EXOC6B: variants seen among roughly 807,000 people sequenced by gnomAD.
EXOC6B encodes exocyst complex component 6B.
EXOC6B carries 54 observed loss-of-function variants against 113.5 expected under a neutral mutation model. The observed-to-expected ratio is 0.48, with a 90% confidence interval of 0.38 to 0.60. The LOEUF is 0.60. Among genes scored for constraint, EXOC6B ranks in the 20% least tolerant of loss-of-function variants. EXOC6B has a pLI of 0.00. For synonymous variants in EXOC6B, 357 were observed against 339.0 expected (o/e 1.05, Z -0.58); for missense variants, 797 against 977.5 (o/e 0.82, Z 2.46).
intron 18 of EXOC6B, among the ~76,000 whole-genome samples, chr2:72,429,337 A>T (rs1008542539): frequency 1.3e-5 from 2 of 152,238 alleles, no homozygotes; most frequent in African/African-American, 4.8e-5. Flanking sequence ...TAAGTTGAAG[A>T]TTATTTCAGG....
At chr2:72,756,664 CACTA>C (rs1357375269) in intron 1 of EXOC6B, among the ~76,000 whole-genome samples, 2 of 152,118 alleles carry the variant, frequency 1.3e-5, no homozygotes, top group Non-Finnish European at 2.9e-5. Context: ...ATTTTATATT[CACTA>C]ACTCACTTAT....
At position 72,653,348 on chromosome 2, in the gene EXOC6B, T is replaced by G. The variant is rs373049313; in HGVS notation, c.669+64755A>C. On this transcript the variant is annotated intron_variant, in intron 6 of 21. Transcript: ENST00000272427. ...GCATATTCTCACTCATAGGTGGGAATTGAACAATGAGAACACATGGACACA... is the reference window on the plus strand; with the variant it reads ...GCATATTCTCACTCATAGGTGGGAAGTGAACAATGAGAACACATGGACACA... 8.7e-4 allele frequency among the ~76,000 whole-genome samples: 114 copies of G among 131,196 alleles called. 1 individual carries two copies. In the East Asian group the frequency reaches 0.016, roughly 18 times the overall value. The allele number at this position is 131,196 out of a possible 152,430, so 86.1% of individuals were successfully genotyped here.
intron 9 of EXOC6B, 96 bp downstream of exon 9, chr2:72,514,947 A>G (rs1701137752): frequency 9.5e-7 from 1 of 1,049,190 alleles, no homozygotes; most frequent in Admixed American, 2.9e-5. Context: ...GTAAACACAC[A>G]CACACAGACA....
In EXOC6B at chr2:72,646,834, A is replaced by G. The variant is rs188456478; in HGVS notation, c.670-71166T>C. 4.1e-3 allele frequency among the ~76,000 whole-genome samples: 627 copies of G among 152,318 alleles called. 4 individuals carry two copies. Among genetic ancestry groups the G allele is most frequent in the African/African-American group, 0.014 (578 of 41,560 alleles). ...TAAGAGCTATTTATGACAAACCCAC[A>G]GCCAATATCATACTGAATGGGCAAA... On this transcript the variant is annotated intron_variant, in intron 6 of 21. Transcript: ENST00000272427.
At chr2:72,467,540 A>G (rs1175223970) in intron 17 of EXOC6B, among the ~76,000 whole-genome samples, 1 of 152,184 alleles carries the variant, frequency 6.6e-6, no homozygotes, top group East Asian at 1.9e-4. Context: ...GGAAAGTCAT[A>G]TATCATTGTG....
chr2:72,606,146 A>T lies in EXOC6B; in HGVS notation c.670-30478T>A, dbSNP rs148347324. On this transcript the variant is annotated intron_variant, in intron 6 of 21. Coordinates refer to ENST00000272427, the MANE Select transcript of EXOC6B (RefSeq NM_015189.3). ...CATAATTTATTTTCTACATAGGCCA[A>T]TAGGAATTAGTCTCATTTCTAATCT... 1.8e-4 allele frequency among the ~76,000 whole-genome samples: 27 copies of T among 152,306 alleles called. No individual in the cohort carries two copies. In the South Asian group the frequency reaches 5.4e-3, roughly 30 times the overall value.
intron 1 of EXOC6B, among the ~76,000 whole-genome samples, chr2:72,794,817 G>C (rs1400881334): frequency 6.6e-6 from 1 of 152,118 alleles, no homozygotes; most frequent in Non-Finnish European, 1.5e-5. Context: ...AATTCTAACA[G>C]GAAATGAGTC....
intron 1 of EXOC6B, among the ~76,000 whole-genome samples, chr2:72,793,798 G>C (rs1360078645): frequency 1.3e-5 from 2 of 152,192 alleles, no homozygotes; most frequent in East Asian, 3.9e-4. Flanking sequence ...AAGAGGTATA[G>C]ACTTGAAATA....
chr2:72,410,890 A>C (rs1694136187), intron 18 of EXOC6B, among the ~76,000 whole-genome samples: 5 of 152,196 alleles, frequency 3.3e-5, no homozygotes, highest in Admixed American at 3.3e-4. Context: ...GCTCTGGTAC[A>C]TGGCCGACTG....
At chr2:72,658,286 TAAAAAAAAAA>T (rs60572283) in intron 6 of EXOC6B, among the ~76,000 whole-genome samples, 1 of 58,726 alleles carries the variant, frequency 1.7e-5, no homozygotes, top group Non-Finnish European at 3.1e-5. Flanking sequence ...TAAAAACTAG[TAAAAAAAAAA>T]AAAAAAAAAA....
intron 20 of EXOC6B, among the ~76,000 whole-genome samples, chr2:72,218,183 T>C (rs991247532): frequency 3.3e-5 from 5 of 152,212 alleles, no homozygotes; most frequent in Non-Finnish European, 5.9e-5. Context: ...CTATACCTCA[T>C]AAACGCATTT....
At chr2:72,464,974 A>G (rs1697948134) in intron 18 of EXOC6B, 186 bp downstream of exon 18, 1 of 592,596 alleles carries the variant, frequency 1.7e-6, no homozygotes. Context: ...AAAAAAATGC[A>G]AAGGTCAATG....
At chr2:72,352,299 AG>A (rs554978839) in intron 19 of EXOC6B, among the ~76,000 whole-genome samples, 101 of 152,298 alleles carry the variant, frequency 6.6e-4, no homozygotes, top group African/African-American at 2.3e-3. Context: ...ATAGAGTAGA[AG>A]GAAAATAGAG....
intron 11 of EXOC6B, among the ~76,000 whole-genome samples, chr2:72,511,664 A>G (rs1055954642): frequency 6.6e-6 from 1 of 152,048 alleles, no homozygotes. Flanking sequence ...ACACATCTAT[A>G]CGTAACACAT....
At chr2:72,395,887 G>A (rs147791606) in intron 18 of EXOC6B, among the ~76,000 whole-genome samples, 39 of 152,134 alleles carry the variant, frequency 2.6e-4, no homozygotes, top group African/African-American at 8.7e-4. Flanking sequence ...GGGGCTCAAT[G>A]AATAATAGAT....
Position 72,488,575 on chromosome 2 carries a change from T to C in EXOC6B, c.1665+3743A>G, listed in dbSNP as rs189740037. Among the ~76,000 whole-genome samples the C allele has an allele frequency of 3.3e-5, 5 of 152,318 alleles. No homozygotes were observed. The East Asian group carries it at 7.7e-4, about 24-fold the overall frequency. The stretch of plus-strand genomic sequence containing the variant: ...ATTTAGCTCTGCCTAAAATTTTTCC[T>C]ATCTTAGTTCATGGTATATACAGCC... On this transcript the variant is annotated intron_variant, in intron 16 of 21. Coordinates refer to ENST00000272427, the MANE Select transcript of EXOC6B (RefSeq NM_015189.3).
intron 20 of EXOC6B, among the ~76,000 whole-genome samples, chr2:72,334,700 C>T (rs1688588303): frequency 6.6e-6 from 1 of 151,932 alleles, no homozygotes; most frequent in South Asian, 2.1e-4. Flanking sequence ...TCACTTGAGT[C>T]CCTCTACTCT....
intron 1 of EXOC6B, among the ~76,000 whole-genome samples, chr2:72,796,688 A>T (rs752286933): frequency 1.5e-4 from 21 of 144,092 alleles, no homozygotes; most frequent in South Asian, 4.3e-4. Context: ...ATCCTAATTT[A>T]AAAAAAAAAA....
intron 6 of EXOC6B, among the ~76,000 whole-genome samples, chr2:72,689,403 G>GTC (rs1366900120): frequency 6.6e-6 from 1 of 152,032 alleles, no homozygotes; most frequent in Non-Finnish European, 1.5e-5. Context: ...TTCTATAGGA[G>GTC]TCTCTCTCTC....
Sources: allele counts gnomAD v4.1 joint callset (sites outside exome capture counted in the v4.1 genomes callset), GRCh38; gene constraint gnomAD v4.1.1; transcripts MANE v1.5; gene names NCBI Gene and HGNC (gene_info 2026-07-23, HGNC 2026-07-21).